Variants in PHLDB2 observed in about 807,000 individuals in gnomAD.
PHLDB2 encodes the protein pleckstrin homology like domain family B member 2.
In PHLDB2, 71 loss-of-function variants were observed where a neutral mutation model predicts 123.6. The ratio of observed to expected loss-of-function variants is 0.57; its 90% CI spans 0.47 to 0.70. The LOEUF is 0.70. Ranked by LOEUF, PHLDB2 falls within the 30% of genes least tolerant of loss-of-function variation. PHLDB2 has a pLI of 0.00. For missense variants in PHLDB2, 1,446 were observed against 1,519.5 expected (o/e 0.95, Z 0.80); for synonymous variants, 547 against 541.6 (o/e 1.01, Z -0.14).
At chr3:111,933,652 G>A (rs2069273867) in intron 6 of PHLDB2, among the ~76,000 whole-genome samples, 1 of 152,100 alleles carries the variant, frequency 6.6e-6, no homozygotes, top group Non-Finnish European at 1.5e-5. Context: ...AAAACTTCCT[G>A]CCTCTCAGTC....
intron 2 of PHLDB2, among the ~76,000 whole-genome samples, chr3:111,853,978 A>G (rs551930445): frequency 6.6e-6 from 1 of 152,310 alleles, no homozygotes; most frequent in East Asian, 1.9e-4. Context: ...CCGTTCTCAC[A>G]CTCCTATAAA....
chr3:111,866,465 C>T (rs932296386), intron 1 of PHLDB2, among the ~76,000 whole-genome samples: 1 of 152,104 alleles, frequency 6.6e-6, no homozygotes, highest in Non-Finnish European at 1.5e-5. Flanking sequence ...GGAATTCCAG[C>T]AAGTATTTAG....
chr3:111,810,163 G>T (rs1214586897), intron 1 of PHLDB2, among the ~76,000 whole-genome samples: 1 of 152,086 alleles, frequency 6.6e-6, no homozygotes, highest in African/African-American at 2.4e-5. Context: ...TAAGCCAAAT[G>T]CAAGGTGACA....
At position 111,907,566 on chromosome 3, in the gene PHLDB2, G is replaced by T. The variant is rs199664731; in HGVS notation, c.1336-5753G>T. Among the ~76,000 whole-genome samples the T allele has an allele frequency of 1.5e-4, 23 of 152,192 alleles. No individual in the cohort carries two copies. The East Asian group carries it at 4.2e-3, about 28-fold the overall frequency. On this transcript the variant is annotated intron_variant, in intron 2 of 17. Transcript: ENST00000431670. ...AGTTGGAGTGTAGTAGCACGACTGG[G>T]CTCACTGCAACCTTTGCCTCCTGGG...
At chr3:111,906,662 T>C (rs1288940238) in intron 2 of PHLDB2, among the ~76,000 whole-genome samples, 1 of 152,198 alleles carries the variant, frequency 6.6e-6, no homozygotes, top group Non-Finnish European at 1.5e-5. Flanking sequence ...TTCACGTATG[T>C]CTCACTCTCA....
intron 1 of PHLDB2, among the ~76,000 whole-genome samples, chr3:111,871,438 A>C (rs1268493580): frequency 6.6e-6 from 1 of 152,124 alleles, no homozygotes; most frequent in Non-Finnish European, 1.5e-5. Flanking sequence ...ACTTGAGCCC[A>C]GGAGTTTAAG....
chr3:111,874,395 A>C (rs888231847), intron 1 of PHLDB2, among the ~76,000 whole-genome samples: 1 of 152,192 alleles, frequency 6.6e-6, no homozygotes, highest in Non-Finnish European at 1.5e-5. Flanking sequence ...ATGTCTCCCA[A>C]TGCCTAGCTC....
At chr3:111,952,828 T>A in intron 11 of PHLDB2, 116 bp downstream of exon 11, 1 of 1,248,066 alleles carries the variant, frequency 8.0e-7, no homozygotes. Context: ...TTACATTTAC[T>A]TGTTAGGCAG....
At chr3:111,897,881 A>G (rs1378461592) in intron 2 of PHLDB2, among the ~76,000 whole-genome samples, 4 of 152,254 alleles carry the variant, frequency 2.6e-5, no homozygotes, top group African/African-American at 9.6e-5. Context: ...GAAGGCGAAC[A>G]TCATAATAAA....
chr3:111,839,249 C>A (rs1025905209), intron 1 of PHLDB2, among the ~76,000 whole-genome samples: 3 of 152,162 alleles, frequency 2.0e-5, no homozygotes, highest in African/African-American at 4.8e-5. Flanking sequence ...AACACATGTT[C>A]CTAGATTGCA....
chr3:111,791,282 C>G (rs570785383), intron 1 of PHLDB2, among the ~76,000 whole-genome samples: 6 of 152,276 alleles, frequency 3.9e-5, no homozygotes, highest in African/African-American at 1.4e-4. Context: ...ATACAGGACC[C>G]CTGTGAGCAG....
chr3:111,758,245 G>C (rs1465190025), intron 1 of PHLDB2, among the ~76,000 whole-genome samples: 1 of 152,164 alleles, frequency 6.6e-6, no homozygotes, highest in African/African-American at 2.4e-5. Context: ...CTTGAGCTGT[G>C]GTGGGCTCCA....
intron 1 of PHLDB2, among the ~76,000 whole-genome samples, chr3:111,773,936 G>A (rs927028870): frequency 9.2e-5 from 14 of 152,158 alleles, no homozygotes; most frequent in African/African-American, 2.7e-4. Flanking sequence ...GAAAGCTGCC[G>A]TAACAGCAGG....
intron 1 of PHLDB2, among the ~76,000 whole-genome samples, chr3:111,774,058 C>T (rs1178773014): frequency 1.3e-5 from 2 of 152,214 alleles, no homozygotes; most frequent in Non-Finnish European, 2.9e-5. Context: ...TCTATAAACA[C>T]CTGTCAGTGG....
At chr3:111,829,542 C>A (rs1363442186) in intron 1 of PHLDB2, among the ~76,000 whole-genome samples, 1 of 142,994 alleles carries the variant, frequency 7.0e-6, no homozygotes, top group Non-Finnish European at 1.5e-5. Context: ...CAGCTCACTG[C>A]AACCTCTGCC....
chr3:111,784,667 G>C (rs921448169), intron 1 of PHLDB2, among the ~76,000 whole-genome samples: 24 of 152,132 alleles, frequency 1.6e-4, no homozygotes, highest in Non-Finnish European at 5.9e-5. Flanking sequence ...ATAAAGATAA[G>C]AAAAAGTGTG....
intron 1 of PHLDB2, among the ~76,000 whole-genome samples, chr3:111,828,329 G>A (rs1192322383): frequency 1.3e-5 from 2 of 152,206 alleles, no homozygotes; most frequent in Non-Finnish European, 2.9e-5. Context: ...GATTGATTTA[G>A]ATGCTGGTAA....
intron 9 of PHLDB2, 98 bp from the exon 10 acceptor site, chr3:111,948,834 C>A: frequency 8.8e-7 from 1 of 1,132,162 alleles, no homozygotes; most frequent in Non-Finnish European, 1.3e-6. Context: ...TCTGGCTGTG[C>A]CGCTCTAAGC....
At chr3:111,811,448 T>A (rs1053030555) in intron 1 of PHLDB2, among the ~76,000 whole-genome samples, 1 of 152,164 alleles carries the variant, frequency 6.6e-6, no homozygotes, top group African/African-American at 2.4e-5. Context: ...AAGGGTAGAT[T>A]AGGCCAGTGA....
Sources: gnomAD v4.1 joint callset for allele counts (sites outside exome capture counted in the v4.1 genomes callset) on GRCh38, gnomAD v4.1.1 for gene constraint, MANE v1.5 for transcripts, NCBI Gene and HGNC (gene_info 2026-07-23, HGNC 2026-07-21) for gene names.